The following SMYD2 variants were observed in gnomAD, a reference collection of about 807,000 sequenced individuals.
SMYD2 encodes SET and MYND domain containing 2.
A neutral mutation model predicts 59.1 loss-of-function variants in SMYD2; 53 were observed. That is an observed-to-expected ratio of 0.90 (90% CI 0.72 to 1.13). SMYD2 has a LOEUF of 1.13. Among genes scored for constraint, SMYD2 ranks in the 50% most tolerant of loss-of-function variants. The probability of loss-of-function intolerance (pLI) is 0.00; values close to 1 mark genes in which losing one functional copy is unlikely to be tolerated. For synonymous variants in SMYD2, 208 were observed against 198.8 expected, an observed-to-expected ratio of 1.05 and a Z score of -0.39; for missense variants, 494 against 544.7, an observed-to-expected ratio of 0.91 and a Z score of 0.93.
intron 1 of SMYD2, among the ~76,000 whole-genome samples, chr1:214,304,073 A>C (rs1432908367): frequency 1.3e-5 from 2 of 152,230 alleles, no homozygotes; most frequent in African/African-American, 4.8e-5. Context: ...GGTTCATCTC[A>C]CACAATACAC....
At chr1:214,298,864 C>G (rs889952964) in intron 1 of SMYD2, among the ~76,000 whole-genome samples, 1 of 152,178 alleles carries the variant, frequency 6.6e-6, no homozygotes, top group African/African-American at 2.4e-5. Context: ...CAAAAAATAA[C>G]AGATGTGGCT....
At chr1:214,284,385 C>T (rs1445139652) in intron 1 of SMYD2, among the ~76,000 whole-genome samples, 2 of 149,296 alleles carry the variant, frequency 1.3e-5, no homozygotes, top group South Asian at 2.1e-4. Flanking sequence ...CTCAGCCTCC[C>T]GAGTAGCTGG....
intron 1 of SMYD2, among the ~76,000 whole-genome samples, chr1:214,297,535 G>C (rs952132303): frequency 1.3e-5 from 2 of 152,028 alleles, no homozygotes. Context: ...AGCAATAGTC[G>C]AACACTCATA....
intron 1 of SMYD2, among the ~76,000 whole-genome samples, chr1:214,302,080 G>A (rs1051983595): frequency 3.9e-5 from 6 of 152,136 alleles, no homozygotes; most frequent in Admixed American, 2.0e-4. Context: ...GGTATCTCAC[G>A]TCTGTAATCC....
At chr1:214,285,882 T>C (rs1317296928) in intron 1 of SMYD2, among the ~76,000 whole-genome samples, 1 of 152,244 alleles carries the variant, frequency 6.6e-6, no homozygotes, top group African/African-American at 2.4e-5. Flanking sequence ...AGCATGTTAC[T>C]GTACTGAATA....
intron 2 of SMYD2, 110 bp downstream of exon 2, chr1:214,305,360 A>G: frequency 9.4e-7 from 1 of 1,059,252 alleles, no homozygotes; most frequent in Non-Finnish European, 1.5e-6. Context: ...AAAGCATAGG[A>G]TGTGGCTGGA....
At chr1:214,313,428 G>GA (rs1657030552) in intron 2 of SMYD2, among the ~76,000 whole-genome samples, 1 of 151,844 alleles carries the variant, frequency 6.6e-6, no homozygotes, top group African/African-American at 2.4e-5. Context: ...CAAGGACAGA[G>GA]CAGGACAGTA....
At chr1:214,331,748 C>T (rs573894118) in intron 9 of SMYD2, 3 of 335,198 alleles carry the variant, frequency 8.9e-6, no homozygotes, top group Admixed American at 4.4e-5. Context: ...TGATTAGAAT[C>T]GTGATTTTAA....
chr1:214,301,854 C>T (rs1307961201), intron 1 of SMYD2, among the ~76,000 whole-genome samples: 1 of 151,340 alleles, frequency 6.6e-6, no homozygotes, highest in Non-Finnish European at 1.5e-5. Flanking sequence ...CACCAGTGCT[C>T]TTCCATGAGA....
intron 2 of SMYD2, among the ~76,000 whole-genome samples, chr1:214,307,000 G>A (rs974461434): frequency 2.0e-5 from 3 of 152,150 alleles, no homozygotes; most frequent in African/African-American, 4.8e-5. Flanking sequence ...GTGAAACCCC[G>A]TCTCTACTAA....
At position 214,318,403 on chromosome 1, in the gene SMYD2, C is replaced by T. The variant is rs1167815275; in HGVS notation, c.409+264C>T. ...CACCCTGAGCTACCTCCTGCTGGCC[C>T]TCTTGGCATGCTGAATACTTTTGGA... On this transcript the variant is annotated intron_variant, in intron 4 of 11. Coordinates refer to ENST00000366957, the MANE Select transcript of SMYD2 (RefSeq NM_020197.3). This position sits in a 1 kb window ranked among gnomAD's most constrained non-coding sequence, Gnocchi z 5.4. Among the ~76,000 whole-genome samples the T allele has an allele frequency of 6.6e-6, 1 of 152,176 alleles. No individual in the cohort carries two copies. The highest frequency in any genetic ancestry group is 1.5e-5 in the Non-Finnish European group (1 of 68,032).
intron 9 of SMYD2, chr1:214,331,622 A>C: frequency 5.4e-6 from 1 of 186,206 alleles, no homozygotes; most frequent in South Asian, 1.3e-4. Context: ...TAAAGGGTAG[A>C]ATTTAAAACC....
At chr1:214,321,551 C>T (rs957358610) in intron 5 of SMYD2, among the ~76,000 whole-genome samples, 10 of 152,206 alleles carry the variant, frequency 6.6e-5, no homozygotes, top group Non-Finnish European at 1.3e-4. Flanking sequence ...TGTTCCAGCC[C>T]CTGAGCCCTT....
rs1656788930 is a variant in SMYD2, at chr1:214,299,570, G to T, written c.174-5617G>T. ...TTGCAGCTGGAGGCCCTTATCCTAA[G>T]CAAATGCAGAAAGAGAAAACCAAAT... On this transcript the variant is annotated intron_variant, in intron 1 of 11. Coordinates refer to ENST00000366957, the MANE Select transcript of SMYD2 (RefSeq NM_020197.3). 2.0e-5 allele frequency among the ~76,000 whole-genome samples: 3 copies of T among 151,780 alleles called. No homozygotes were observed. The South Asian group carries it at 6.2e-4, about 32-fold the overall frequency.
At chr1:214,294,215 T>G (rs1204329896) in intron 1 of SMYD2, among the ~76,000 whole-genome samples, 6 of 152,344 alleles carry the variant, frequency 3.9e-5, no homozygotes, top group Non-Finnish European at 8.8e-5. Flanking sequence ...TCAAACGGTA[T>G]CCGATCAGTT....
chr1:214,293,329 T>TAGGC (rs1656669434), intron 1 of SMYD2, among the ~76,000 whole-genome samples: 1 of 152,062 alleles, frequency 6.6e-6, no homozygotes, highest in Non-Finnish European at 1.5e-5. Context: ...GCTGGGATGA[T>TAGGC]AGGCATGAGC....
At chr1:214,304,738 C>A (rs1020607130) in intron 1 of SMYD2, among the ~76,000 whole-genome samples, 8 of 152,118 alleles carry the variant, frequency 5.3e-5, no homozygotes, top group Non-Finnish European at 1.0e-4. Flanking sequence ...AGTAGGTGCA[C>A]CCCAACACTC....
intron 5 of SMYD2, among the ~76,000 whole-genome samples, chr1:214,322,274 A>G (rs1443016658): frequency 6.6e-6 from 1 of 152,248 alleles, no homozygotes; most frequent in African/African-American, 2.4e-5. Flanking sequence ...TACCGGATAC[A>G]GGTCATGCTC....
intron 2 of SMYD2, among the ~76,000 whole-genome samples, chr1:214,308,486 AG>A (rs1656948760): frequency 6.6e-6 from 1 of 152,054 alleles, no homozygotes; most frequent in African/African-American, 2.4e-5. Context: ...AAATGTGTTC[AG>A]GGTTCGGCTT....
Sources: allele counts gnomAD v4.1 joint callset (sites outside exome capture counted in the v4.1 genomes callset), GRCh38; gene constraint gnomAD v4.1.1; non-coding constraint Gnocchi (gnomAD v3.1); transcripts MANE v1.5; gene names NCBI Gene and HGNC (gene_info 2026-07-23, HGNC 2026-07-21).